ZNF48: variants seen among roughly 807,000 people sequenced by gnomAD.
The protein encoded by ZNF48 is zinc finger protein 48, also known as zinc finger protein 553.
Under a neutral mutation model 40.0 loss-of-function variants are expected in ZNF48, and 20 were observed. The observed-to-expected ratio is 0.50, with a 90% confidence interval of 0.35 to 0.73. ZNF48 has a LOEUF of 0.73. Ranked by LOEUF, ZNF48 falls within the 30% of genes least tolerant of loss-of-function variation. ZNF48 has a pLI of 0.01. For synonymous variants in ZNF48, 298 were observed against 329.7 expected, an observed-to-expected ratio of 0.90 and a Z score of 1.04; for missense variants, 726 against 851.9, an observed-to-expected ratio of 0.85 and a Z score of 1.84.
At chr16:30,378,349 G>A in exon 1 of ZNF48, 1 of 1,310,126 alleles carries the variant, frequency 7.6e-7, no homozygotes, top group Non-Finnish European at 1.0e-6. Flanking sequence ...GAGGTCCCGG[G>A]GGGCGCTGGG....
At chr16:30,394,700 C>T (rs1022537954), upstream of ZNF48, 2 of 154,502 alleles carry the variant, frequency 1.3e-5, no homozygotes, top group African/African-American at 2.4e-5. Context: ...GCGTCAATGA[C>T]TTTATCTCTT....
Position 30,382,540 on chromosome 16 carries a change from C to T in ZNF48, c.-16+4130C>T. The T allele has an allele frequency of 6.3e-7, 1 of 1,593,720 alleles. No homozygotes were observed. Among genetic ancestry groups the T allele is most frequent in the Non-Finnish European group, 8.5e-7 (1 of 1,170,574 alleles). On this transcript the variant is annotated intron_variant, in intron 1 of 2. Coordinates refer to the ZNF48 transcript ENST00000528032. The surrounding 1 kb of genome is among the most constrained non-coding windows in gnomAD (Gnocchi z 4.8). ...AAGGACTCACCATGACTCCGCCAGCCATCACTGCACCTGCCGTCTCTCCCC... is the reference window on the plus strand; with the variant it reads ...AAGGACTCACCATGACTCCGCCAGCTATCACTGCACCTGCCGTCTCTCCCC...
intron 1 of ZNF48, among the ~76,000 whole-genome samples, chr16:30,389,589 AG>A (rs1460633979): frequency 7.3e-5 from 11 of 150,054 alleles, no homozygotes; most frequent in African/African-American, 2.4e-4. Context: ...AAAAAAAAAA[AG>A]GCTCTTGCTT....
In ZNF48 at chr16:30,395,597, C is replaced by T. The variant is rs2049975332; in HGVS notation, c.-16+19C>T. The T allele has an allele frequency of 3.9e-6, 1 of 256,774 alleles. No homozygotes were observed. Among genetic ancestry groups the T allele is most frequent in the Non-Finnish European group, 6.8e-6 (1 of 147,780 alleles). The allele number at this position is 256,774 out of a possible 1,614,324, so 15.9% of individuals were successfully genotyped here. A position where few individuals can be genotyped will look rare whatever the true frequency, so the allele number is the denominator to read the frequency against. ...CGGCAAGGTGAGAGCGGCGGCTGCG[C>T]GCTGGGAGGAGCAGCAGGTGCAGGG... On this transcript the variant is annotated intron_variant, in intron 1 of 2. Transcript: ENST00000613509. The surrounding 1 kb of genome is among the most constrained non-coding windows in gnomAD (Gnocchi z 5.9).
At chr16:30,391,148 T>C (rs891921222), upstream of ZNF48, among the ~76,000 whole-genome samples, 1 of 152,226 alleles carries the variant, frequency 6.6e-6, no homozygotes, top group African/African-American at 2.4e-5. Context: ...TAGGTCGTAA[T>C]CCATAGTCAT....
chr16:30,382,330 G>T lies in ZNF48; in HGVS notation c.-16+3920G>T. The T allele has an allele frequency of 6.2e-7, 1 of 1,613,736 alleles. No homozygotes were observed. Among genetic ancestry groups the T allele is most frequent in the Non-Finnish European group, 8.5e-7 (1 of 1,179,776 alleles). On this transcript the variant is annotated intron_variant, in intron 1 of 2. Transcript: ENST00000528032. The surrounding 1 kb of genome is among the most constrained non-coding windows in gnomAD (Gnocchi z 4.8). ...TCTTGACAGACTTGCGGTGCAGCTG[G>T]TTGGGGAGGGCAGCAAAACCCACGT...
In ZNF48 at chr16:30,381,781, T is replaced by TC. The variant is rs939553510; in HGVS notation, c.-16+3375dup. The TC allele has an allele frequency of 6.2e-7, 1 of 1,613,784 alleles. No individual in the cohort carries two copies. The highest frequency in any genetic ancestry group is 1.3e-5 in the African/African-American group (1 of 74,828). ...TCACCAGTCAGAGCAGTCCACTGAG[T>TC]CCCCAAAGCCAGGTGTGTCCACAAG... On this transcript the variant is annotated intron_variant, in intron 1 of 2. Coordinates refer to the ZNF48 transcript ENST00000528032. The surrounding 1 kb of genome is among the most constrained non-coding windows in gnomAD (Gnocchi z 4.3).
intron 1 of ZNF48, among the ~76,000 whole-genome samples, chr16:30,389,893 G>A (rs1478242381): frequency 8.2e-6 from 1 of 121,708 alleles, no homozygotes; most frequent in Non-Finnish European, 1.6e-5. Flanking sequence ...CTGGAATGTA[G>A]TAGTGCGATC....
Position 30,381,401 on chromosome 16 carries a change from C to T in ZNF48, c.-16+2991C>T, listed in dbSNP as rs2049846888. 1 of 1,613,666 alleles carries T rather than the reference C, an allele frequency of 6.2e-7. No individual in the cohort carries two copies. Among genetic ancestry groups the T allele is most frequent in the South Asian group, 1.1e-5 (1 of 91,050 alleles). Reference sequence around the variant, plus strand: ...GGACTCGGGAGTCCTGGATGTTCTTCCGGTTCAGGCCACTCTCATCCCTAA... The same window carrying T: ...GGACTCGGGAGTCCTGGATGTTCTTTCGGTTCAGGCCACTCTCATCCCTAA... On this transcript the variant is annotated intron_variant, in intron 1 of 2. Coordinates refer to the ZNF48 transcript ENST00000528032. The surrounding 1 kb of genome is among the most constrained non-coding windows in gnomAD (Gnocchi z 4.3).
chr16:30,398,354 C>T lies in ZNF48; in HGVS notation c.1104C>T (p.Phe368=). ...PHACPECDRT[F]SLSSTLLRHR... ...CCTGCCCGGAATGCGACCGTACCTT[C>T]AGCCTCAGCTCCACCCTTCTTCGCC... Residue 368 remains phenylalanine (F), a synonymous_variant, in exon 3 of 3, where the codon TTC becomes TTT. Coordinates refer to ENST00000613509, the MANE Select transcript of ZNF48 (RefSeq NM_001214909.2). This position sits in a 1 kb window ranked among gnomAD's most constrained non-coding sequence, Gnocchi z 6.6. 1 of 1,613,378 alleles carries T rather than the reference C, an allele frequency of 6.2e-7. No individual in the cohort carries two copies. Among genetic ancestry groups the T allele is most frequent in the Non-Finnish European group, 8.5e-7 (1 of 1,179,880 alleles).
chr16:30,382,725 G>A lies in ZNF48; in HGVS notation c.-16+4315G>A. The A allele has an allele frequency of 6.5e-7, 1 of 1,536,074 alleles. No individual in the cohort carries two copies. The highest frequency in any genetic ancestry group is 1.2e-5 in the South Asian group (1 of 84,048). ...TCCTGGACCCCTTTGCCCATCACCT[G>A]TCTACGTACCTTCAACCCTCCATCC... On this transcript the variant is annotated intron_variant, in intron 1 of 2. Transcript: ENST00000528032. This position sits in a 1 kb window ranked among gnomAD's most constrained non-coding sequence, Gnocchi z 4.8.
chr16:30,397,400 G>A lies in ZNF48; in HGVS notation c.150G>A (p.Gly50=), dbSNP rs778850110. The A allele has an allele frequency of 8.7e-6, 14 of 1,614,002 alleles. No individual in the cohort carries two copies. Among genetic ancestry groups the A allele is most frequent in the Middle Eastern group, 1.6e-4 (1 of 6,084 alleles). ...FEHTPQEDDL[G]FKEEDLAPDH... is the part of the protein sequence containing the mutation. The stretch of plus-strand genomic sequence containing the variant: ...ATACCCCACAGGAAGATGACTTGGG[G>A]TTCAAGGAAGAAGATTTGGCTCCAG... The change falls in exon 3 of 3, where the codon GGG becomes GGA. Residue 50 remains glycine, a synonymous_variant. Transcript: ENST00000613509. This position sits in a 1 kb window ranked among gnomAD's most constrained non-coding sequence, Gnocchi z 4.1.
Position 30,398,466 on chromosome 16 carries a change from C to G in ZNF48, c.1216C>G (p.Leu406Val), listed in dbSNP as rs376605302. The G allele has an allele frequency of 1.2e-4, 196 of 1,588,164 alleles. 2 individuals carry two copies. The highest frequency in any genetic ancestry group is 1.6e-4 in the Non-Finnish European group (189 of 1,165,222). ...ALIPSPPPPP[L>V]GTSPPLTPRS... ...GATCCCCAGCCCACCCCCACCTCCT[C>G]TGGGCACCAGCCCCCCGCTGACACC... Residue 406 changes from leucine to valine, a missense_variant, in exon 3 of 3, where the codon CTG (leucine) becomes GTG (valine). By Grantham distance (32) the Leu-to-Val change is conservative. This residue lies in a region of ZNF48 where 378 missense variants were observed against 449.1 expected (regional missense o/e 0.84). Transcript: ENST00000613509. This position sits in a 1 kb window ranked among gnomAD's most constrained non-coding sequence, Gnocchi z 6.6.
In ZNF48 at chr16:30,382,888, C is replaced by A. The variant is rs1359081624; in HGVS notation, c.-16+4478C>A. 3.6e-6 allele frequency: 4 copies of A among 1,121,864 alleles called. No individual in the cohort carries two copies. The Admixed American group carries it at 7.9e-5, about 22-fold the overall frequency. The allele number at this position is 1,121,864 out of a possible 1,614,324, so 69.5% of individuals were successfully genotyped here. ...TTGATGAGCTGATTAGAAAACAGTT[C>A]CCAGGACGGGCAAGGTGGCTCTCGC... On this transcript the variant is annotated intron_variant, in intron 1 of 2. Coordinates refer to the ZNF48 transcript ENST00000528032. The surrounding 1 kb of genome is among the most constrained non-coding windows in gnomAD (Gnocchi z 4.8).
intron 1 of ZNF48, chr16:30,380,250 T>TAAG (rs1230342620): frequency 2.9e-6 from 1 of 344,760 alleles, no homozygotes; most frequent in African/African-American, 2.1e-5. Context: ...GGGCAGACAT[T>TAAG]AAGAGACCAG....
chr16:30,392,796 T>C (rs775975058), upstream of ZNF48, among the ~76,000 whole-genome samples: 1 of 152,186 alleles, frequency 6.6e-6, no homozygotes, highest in Non-Finnish European at 1.5e-5. Context: ...CTCTGTGCGC[T>C]ACACTCCTAT....
chr16:30,389,900 G>A (rs578244813), intron 1 of ZNF48, among the ~76,000 whole-genome samples: 7 of 129,030 alleles, frequency 5.4e-5, no homozygotes, highest in East Asian at 2.7e-4. Flanking sequence ...GTAGTAGTGC[G>A]ATCATAGGTT....
Position 30,398,154 on chromosome 16 carries a change from C to T in ZNF48, c.904C>T (p.Pro302Ser). ...SHQRSHLGPK[P>S]FGCDVCGKEF... ...CCAGCGTAGTCACTTGGGGCCCAAG[C>T]CCTTTGGCTGTGATGTGTGTGGAAA... Residue 302 changes from proline to serine, a missense_variant, in exon 3 of 3, where the codon CCC becomes TCC. This residue lies in a region of ZNF48 where 378 missense variants were observed against 449.1 expected (regional missense o/e 0.84). Coordinates refer to ENST00000613509, the MANE Select transcript of ZNF48 (RefSeq NM_001214909.2). The surrounding 1 kb of genome is among the most constrained non-coding windows in gnomAD (Gnocchi z 6.6). The T allele has an allele frequency of 6.2e-7, 1 of 1,613,854 alleles. No individual in the cohort carries two copies. Among genetic ancestry groups the T allele is most frequent in the South Asian group, 1.1e-5 (1 of 91,060 alleles).
intron 1 of ZNF48, chr16:30,378,566 G>A: frequency 6.2e-7 from 1 of 1,607,340 alleles, no homozygotes; most frequent in Non-Finnish European, 8.5e-7. Context: ...AAGCCAGAGG[G>A]GGACCTGGGG....
Sources: gnomAD v4.1 joint callset for allele counts (sites outside exome capture counted in the v4.1 genomes callset) on GRCh38, gnomAD v4.1.1 for gene constraint, gnomAD v4.1.1 regional missense constraint, Gnocchi (gnomAD v3.1) non-coding constraint, MANE v1.5 for transcripts, NCBI Gene and HGNC (gene_info 2026-07-23, HGNC 2026-07-21) for gene names.